Variants in RFLNA observed in about 807,000 individuals in gnomAD.
RFLNA encodes refilin-A.
A neutral mutation model predicts 7.8 loss-of-function variants in RFLNA; 5 were observed. The ratio of observed to expected loss-of-function variants is 0.64; its 90% CI spans 0.34 to 1.35. RFLNA has a LOEUF of 1.35. Among genes scored for constraint, RFLNA ranks in the 40% most tolerant of loss-of-function variants. RFLNA has a pLI of 0.04. For synonymous variants in RFLNA, 141 were observed against 131.3 expected, an observed-to-expected ratio of 1.07 and a Z score of -0.50; for missense variants, 278 against 305.5, an observed-to-expected ratio of 0.91 and a Z score of 0.67.
intron 1 of RFLNA, among the ~76,000 whole-genome samples, chr12:124,305,636 C>G (rs10846651): frequency 0.15 from 22,851 of 152,206 alleles, 2,018 homozygotes; most frequent in East Asian, 0.31. Context: ...CCCCTTCCTC[C>G]TCATCAAAGC....
At chr12:124,299,789 C>T (rs577332521) in intron 1 of RFLNA, among the ~76,000 whole-genome samples, 2 of 150,158 alleles carry the variant, frequency 1.3e-5, no homozygotes, top group Admixed American at 1.3e-4. Context: ...ATATTTAAAG[C>T]GGGGTGGGTG....
At chr12:124,305,828 CTGT>C (rs1308461238) in intron 1 of RFLNA, among the ~76,000 whole-genome samples, 2 of 152,074 alleles carry the variant, frequency 1.3e-5, no homozygotes, top group Non-Finnish European at 2.9e-5. Context: ...GCTTTGGGGG[CTGT>C]TGTTCAGCAT....
intron 1 of RFLNA, among the ~76,000 whole-genome samples, chr12:124,296,366 G>T (rs902426918): frequency 4.0e-5 from 6 of 150,630 alleles, no homozygotes; most frequent in Non-Finnish European, 8.9e-5. Flanking sequence ...CTCCGGTGGG[G>T]ACCCAGCTTG....
At chr12:124,304,406 T>C (rs149668724) in intron 1 of RFLNA, among the ~76,000 whole-genome samples, 330 of 150,844 alleles carry the variant, frequency 2.2e-3, no homozygotes, top group African/African-American at 7.7e-3. Context: ...AGCGGGACCC[T>C]TTGGCAAATG....
intron 1 of RFLNA, 66 bp downstream of exon 1, chr12:124,295,702 AGACGCGC>A (rs2033896194): frequency 8.2e-7 from 1 of 1,221,364 alleles, no homozygotes; most frequent in East Asian, 3.2e-5. Flanking sequence ...CTGCCCCCAG[AGACGCGC>A]GCCACTGCAG....
At chr12:124,302,980 GGGGGA>G (rs2034071535) in intron 1 of RFLNA, among the ~76,000 whole-genome samples, 1 of 152,132 alleles carries the variant, frequency 6.6e-6, no homozygotes, top group African/African-American at 2.4e-5. Flanking sequence ...GAGCAGCAAC[GGGGGA>G]GGGGGGGCTC....
upstream of RFLNA, among the ~76,000 whole-genome samples, chr12:124,293,072 C>T (rs918734854): frequency 4.6e-5 from 7 of 152,032 alleles, no homozygotes; most frequent in East Asian, 3.9e-4. Flanking sequence ...TACAGGCGCC[C>T]GCCACCACGC....
chr12:124,310,502 AGGTGGACTGCAGGGAGGGGG>A (rs2034223998), intron 1 of RFLNA, among the ~76,000 whole-genome samples: 1 of 722 alleles, frequency 1.4e-3, no homozygotes, highest in East Asian at 0.12. Context: ...GGGGAGGGGG[AGGTGGACTGCAGGGAGGGGG>A]AGGTGGACTG....
At chr12:124,303,706 GGATGT>G (rs2034087929) in intron 1 of RFLNA, among the ~76,000 whole-genome samples, 1 of 152,248 alleles carries the variant, frequency 6.6e-6, no homozygotes, top group South Asian at 2.1e-4. Flanking sequence ...CCCAGCCCCA[GGATGT>G]GGGCCTTGCC....
intron 1 of RFLNA, among the ~76,000 whole-genome samples, chr12:124,298,129 A>G (rs1376102850): frequency 6.6e-6 from 1 of 152,154 alleles, no homozygotes. Context: ...AGTGAACGAC[A>G]CCACCTTTCT....
upstream of RFLNA, among the ~76,000 whole-genome samples, chr12:124,294,464 G>A (rs34630941): frequency 6.6e-6 from 1 of 152,202 alleles, no homozygotes; most frequent in East Asian, 1.9e-4. Context: ...GGAAACACGT[G>A]TTCTTCTCTC....
intron 1 of RFLNA, among the ~76,000 whole-genome samples, chr12:124,305,894 T>G (rs2034128713): frequency 6.6e-6 from 1 of 152,146 alleles, no homozygotes; most frequent in Non-Finnish European, 1.5e-5. Flanking sequence ...TCACTCCGTG[T>G]CAATGCCAGG....
chr12:124,314,565 G>A lies in RFLNA; in HGVS notation c.*40G>A, dbSNP rs1361795425. The A allele has an allele frequency of 1.3e-6, 2 of 1,535,328 alleles. No individual in the cohort carries two copies. Among genetic ancestry groups the A allele is most frequent in the Non-Finnish European group, 1.7e-6 (2 of 1,148,730 alleles). ...GCCCGGGGTGCTGGAGGAGCCGGGAGCCCTGGGGAGAAGCCGGGAGGATGG... is the reference window on the plus strand; with the variant it reads ...GCCCGGGGTGCTGGAGGAGCCGGGAACCCTGGGGAGAAGCCGGGAGGATGG... On this transcript the variant is annotated 3_prime_UTR_variant, in exon 3 of 3. Coordinates refer to ENST00000546355, the MANE Select transcript of RFLNA (RefSeq NM_001365156.1).
chr12:124,300,189 G>A (rs1246521203), intron 1 of RFLNA, among the ~76,000 whole-genome samples: 1 of 152,258 alleles, frequency 6.6e-6, no homozygotes, highest in Non-Finnish European at 1.5e-5. Context: ...ATGCAGAGAC[G>A]GGGCCTCTGG....
chr12:124,304,398 C>T (rs1467268139), intron 1 of RFLNA, among the ~76,000 whole-genome samples: 3 of 150,826 alleles, frequency 2.0e-5, no homozygotes, highest in South Asian at 2.1e-4. Flanking sequence ...GTTTTTTCAG[C>T]GGGACCCTTT....
At chr12:124,296,583 C>T (rs1011835537) in intron 1 of RFLNA, among the ~76,000 whole-genome samples, 1 of 152,158 alleles carries the variant, frequency 6.6e-6, no homozygotes, top group Admixed American at 6.5e-5. Context: ...CCCGGGGATT[C>T]TTGCCTGGCA....
Position 124,296,125 on chromosome 12 carries a change from TCTCTCTCTCTCTC to T in RFLNA, c.207+490_207+502del, listed in dbSNP as rs1475466925. ...CTTTCTTTCTTTCTTTCTTTCTTTC[TCTCTCTCTCTCTC>T]TTCTTCTCTTCTCTTCTCTTCTCTT... On this transcript the variant is annotated intron_variant, in intron 1 of 2. Coordinates refer to ENST00000546355, the MANE Select transcript of RFLNA (RefSeq NM_001365156.1). Among the ~76,000 whole-genome samples the T allele has an allele frequency of 2.3e-3, 7 of 3,076 alleles. 1 individual carries two copies. The Non-Finnish European group carries it at 0.079, about 35-fold the overall frequency. 2.0% of individuals were successfully genotyped at this position (3,076 alleles called of 152,430 possible). A position where few individuals can be genotyped will look rare whatever the true frequency, so the allele number is the denominator to read the frequency against.
intron 1 of RFLNA, among the ~76,000 whole-genome samples, chr12:124,309,894 C>G (rs1323777609): frequency 6.6e-6 from 1 of 152,160 alleles, no homozygotes; most frequent in Admixed American, 6.5e-5. Flanking sequence ...AGGGGCCAGG[C>G]GTGGTGGCTC....
rs2034340963 is a variant in RFLNA at position 124,315,842 on chromosome 12, C to T, written c.*1317C>T. The T allele has an allele frequency of 1.3e-5, 2 of 152,226 alleles. No homozygotes were observed. The highest frequency in any genetic ancestry group is 2.1e-4 in the South Asian group (1 of 4,832). The allele number at this position is 152,226 out of a possible 1,614,324, so 9.4% of individuals were successfully genotyped here. ...AAGGGGAGGGGAAGGTTCCCTGGGG[C>T]TTGAGCTCCCTCTGTGGAGGTGAGG... On this transcript the variant is annotated 3_prime_UTR_variant, in exon 3 of 3. Coordinates refer to ENST00000546355, the MANE Select transcript of RFLNA (RefSeq NM_001365156.1).
Sources: gnomAD v4.1 joint callset for allele counts (sites outside exome capture counted in the v4.1 genomes callset) on GRCh38, gnomAD v4.1.1 for gene constraint, MANE v1.5 for transcripts, NCBI Gene and HGNC (gene_info 2026-07-23, HGNC 2026-07-21) for gene names.